ZFP62: variants seen among roughly 807,000 people sequenced by gnomAD.
ZFP62 encodes the protein zinc finger protein 62 homolog.
In ZFP62, 44 loss-of-function variants were observed where a neutral mutation model predicts 56.4. The ratio of observed to expected loss-of-function variants is 0.78; its 90% CI spans 0.61 to 1.00. ZFP62 has a LOEUF of 1.00. Ranked by LOEUF, ZFP62 falls within the 50% of genes least tolerant of loss-of-function variation. The pLI, the probability that ZFP62 is intolerant of heterozygous loss-of-function variation, is 0.00. For synonymous variants in ZFP62, 421 were observed against 388.9 expected (o/e 1.08, Z -0.97); for missense variants, 1,030 against 1,085.7 (o/e 0.95, Z 0.72).
Position 180,852,052 on chromosome 5 carries a change from G to T in ZFP62, c.2-559C>A, listed in dbSNP as rs966742991. On this transcript the variant is annotated intron_variant, in intron 1 of 1. Coordinates refer to ENST00000502412, the MANE Select transcript of ZFP62 (RefSeq NM_001172638.2). ...AGACAGTTACTGCAGAGATGAGGAA[G>T]AAGGCAACCTGCATATTAAAATATA... is the stretch of plus-strand genomic sequence containing the variant. The T allele has an allele frequency of 2.6e-5, 26 of 983,552 alleles. No homozygotes were observed. In the African/African-American group the frequency reaches 4.0e-4, roughly 15 times the overall value. 60.9% of individuals were successfully genotyped at this position (983,552 alleles called of 1,614,324 possible).
intron 1 of ZFP62, among the ~76,000 whole-genome samples, chr5:180,854,208 T>C (rs1170641011): frequency 4.6e-5 from 7 of 152,146 alleles, no homozygotes; most frequent in Admixed American, 4.6e-4. Flanking sequence ...ATGAGCATCA[T>C]GCTATACCAG....
At chr5:180,835,061 A>T in the ZFP62 span, 1 of 152,330 alleles carries the variant, frequency 6.6e-6, no homozygotes, top group East Asian at 1.9e-4. Flanking sequence ...AGCCTTCAGA[A>T]CTCTAAGAAA....
chr5:180,851,023 G>A lies in ZFP62; in HGVS notation c.472C>T (p.Gln158Ter). The change falls in exon 2 of 2, where the codon CAA becomes TAA. Residue 158 changes from glutamine (Q) to a stop codon, truncating the protein, a stop_gained. Coordinates refer to ENST00000502412, the MANE Select transcript of ZFP62 (RefSeq NM_001172638.2). LOFTEE classifies it high-confidence loss of function. ...TCCCCAGTGTGCATAATTTTATGTT[G>A]AACAAGGCGGGAATTATATTTGAAG... ...KSFKYNSRLV[Q>*]HKIMHTGEKR... 6.4e-7 allele frequency: 1 copy of A among 1,551,674 alleles called. No individual in the cohort carries two copies. Among genetic ancestry groups the A allele is most frequent in the Middle Eastern group, 1.7e-4 (1 of 5,992 alleles).
chr5:180,839,065 G>C, the ZFP62 span, among the ~76,000 whole-genome samples: 1 of 152,184 alleles, frequency 6.6e-6, no homozygotes, highest in Non-Finnish European at 1.5e-5. Flanking sequence ...GAGTGTACTA[G>C]GAAACCCTTA....
In ZFP62 at chr5:180,850,288, T is replaced by C; in HGVS notation, c.1207A>G (p.Ser403Gly). 6.4e-7 allele frequency: 1 copy of C among 1,560,506 alleles called. No individual in the cohort carries two copies. The highest frequency in any genetic ancestry group is 1.2e-5 in the South Asian group (1 of 84,632). ...TGGACTGCGAGGCCTGAGCTATAGC[T>C]GAATGCTTTGCCACAGACATCACAC... The part of the protein sequence containing the change: ...YKCDVCGKAF[S>G]YSSGLAVHKS... Residue 403 changes from serine (S) to glycine (G), a missense_variant, in exon 2 of 2, where the codon AGC becomes GGC. Ser to Gly is a moderately conservative substitution (Grantham distance 56). Transcript: ENST00000502412.
At chr5:180,836,018 A>G in the ZFP62 span, among the ~76,000 whole-genome samples, 1 of 152,228 alleles carries the variant, frequency 6.6e-6, no homozygotes, top group Non-Finnish European at 1.5e-5. Flanking sequence ...ATACACAAAT[A>G]CTTACCGTGT....
chr5:180,857,682 G>A lies in ZFP62; in HGVS notation c.1+3537C>T, dbSNP rs188094289. Among the ~76,000 whole-genome samples, 378 of 152,152 alleles carry A rather than the reference G, an allele frequency of 2.5e-3. 2 individuals carry two copies. The highest frequency in any genetic ancestry group is 8.5e-3 in the African/African-American group (352 of 41,528). ...TCAGCTAATTTTTATATTTTTAGTA[G>A]AGATGGGGTTTTGCCATGTTGGCAG... On this transcript the variant is annotated intron_variant, in intron 1 of 1. Coordinates refer to ENST00000502412, the MANE Select transcript of ZFP62 (RefSeq NM_001172638.2).
At position 180,849,676 on chromosome 5, in the gene ZFP62, GGTTT is replaced by G. The variant is rs935724891; in HGVS notation, c.1815_1818del (p.Asn606ThrfsTer111). 6.4e-7 allele frequency: 1 copy of G among 1,551,628 alleles called. No homozygotes were observed. The highest frequency in any genetic ancestry group is 1.4e-5 in the African/African-American group (1 of 72,974). ...TTCTCCCCAAGATGAACTTTTTTGT[GGTTT>G]GTAAGGGTTCGGTATGTGATGAAGG... On this transcript the variant is annotated frameshift_variant, in exon 2 of 2. Coordinates refer to ENST00000502412, the MANE Select transcript of ZFP62 (RefSeq NM_001172638.2). LOFTEE classifies it high-confidence loss of function.
chr5:180,849,906 T>A lies in ZFP62; in HGVS notation c.1589A>T (p.Glu530Val). 1.9e-6 allele frequency: 3 copies of A among 1,551,776 alleles called. No individual in the cohort carries two copies. Among genetic ancestry groups the A allele is most frequent in the Non-Finnish European group, 1.7e-6 (2 of 1,147,016 alleles). ...ACACTCATCACACCCAAAGGGTTTT[T>A]CCCTGGTATGAATCCTTTTATGCTG... is the stretch of plus-strand genomic sequence containing the variant. ...LEQHKRIHTR[E>V]KPFGCDECGK... The change falls in exon 2 of 2, where the codon GAA (glutamate) becomes GTA (valine). Residue 530 changes from glutamate to valine, a missense_variant. Transcript: ENST00000502412.
chr5:180,848,908 T>C lies in ZFP62; in HGVS notation c.2587A>G (p.Thr863Ala). The C allele has an allele frequency of 6.4e-7, 1 of 1,551,688 alleles. No homozygotes were observed. The highest frequency in any genetic ancestry group is 8.7e-7 in the Non-Finnish European group (1 of 1,146,980). ...ATCACATTTAAAGATTCCTCTCCAG[T>C]ATGGGTTCTTTTATGCTTGGTGAGA... The part of the protein sequence containing the change: ...SNLTKHKRTH[T>A]GEESLNVIYV... The change falls in exon 2 of 2, where the codon ACT (threonine) becomes GCT (alanine). Residue 863 changes from threonine (T) to alanine (A), a missense_variant. Transcript: ENST00000502412.
intron 1 of ZFP62, 46 bp from the exon 2 acceptor site, chr5:180,851,539 A>AG: frequency 6.8e-7 from 1 of 1,467,330 alleles, no homozygotes; most frequent in African/African-American, 1.4e-5. Flanking sequence ...CTCTTAAAAA[A>AG]AAACAAAAAC....
In ZFP62 at chr5:180,849,362, G is replaced by GA. The variant is rs35764255; in HGVS notation, c.2132dup (p.Ser712LeufsTer9). ...TATGGCTTATAAGAGTTCTGCTTGA[G>GA]AAAAAAGCTTTTCCACATTCATCAC... is the stretch of plus-strand genomic sequence containing the variant. On this transcript the variant is annotated frameshift_variant, in exon 2 of 2. Transcript: ENST00000502412. LOFTEE classifies it high-confidence loss of function. The GA allele has an allele frequency of 1.9e-6, 3 of 1,551,632 alleles. No homozygotes were observed. Among genetic ancestry groups the GA allele is most frequent in the East Asian group, 2.4e-5 (1 of 40,898 alleles).
At chr5:180,843,545 C>A (rs1773357032), downstream of ZFP62, among the ~76,000 whole-genome samples, 1 of 151,848 alleles carries the variant, frequency 6.6e-6, no homozygotes, top group Non-Finnish European at 1.5e-5. Context: ...GTTATTAATA[C>A]CAGAAAAAAA....
chr5:180,828,495 T>C, the ZFP62 span, among the ~76,000 whole-genome samples: 2 of 152,184 alleles, frequency 1.3e-5, no homozygotes, highest in Non-Finnish European at 2.9e-5. Flanking sequence ...AGAACATAAA[T>C]TGTGAAGATT....
chr5:180,834,917 A>G, the ZFP62 span: 1 of 151,304 alleles, frequency 6.6e-6, no homozygotes, highest in Non-Finnish European at 1.5e-5. Flanking sequence ...GTGGCATTAT[A>G]AAGAGAGACA....
chr5:180,837,847 A>C, the ZFP62 span, among the ~76,000 whole-genome samples: 5 of 152,150 alleles, frequency 3.3e-5, no homozygotes, highest in Admixed American at 1.3e-4. Context: ...CTTCTCTTGA[A>C]GGGATGTTCA....
rs1406678481 is a variant in ZFP62 at position 180,848,865 on chromosome 5, C to T, written c.2630G>A (p.Ser877Asn). The part of the protein sequence containing the change: ...SLNVIYVGSY[S>N]GTSQKRTYEG... ...ATAGGTTCTCTTCTGGGATGTGCCA[C>T]TATAACTTCCCACATATATCACATT... The change falls in exon 2 of 2, where the codon AGT becomes AAT. Residue 877 changes from serine (S) to asparagine (N), a missense_variant. Transcript: ENST00000502412. The T allele has an allele frequency of 1.3e-6, 2 of 1,551,610 alleles. No homozygotes were observed. The highest frequency in any genetic ancestry group is 4.9e-5 in the East Asian group (2 of 40,912).
Position 180,850,186 on chromosome 5 carries a change from G to T in ZFP62, c.1309C>A (p.Leu437Ile). The T allele has an allele frequency of 1.3e-6, 2 of 1,551,932 alleles. No homozygotes were observed. Among genetic ancestry groups the T allele is most frequent in the South Asian group, 2.4e-5 (2 of 84,078 alleles). ...CCGGTATGAATAGTTCTGTGTTGAA[G>T]AAGTAGTGAGTTATAACTAAAGGAT... is the stretch of plus-strand genomic sequence containing the variant. ...GKSFSYNSLL[L>I]QHRTIHTGER... The change falls in exon 2 of 2, where the codon CTT becomes ATT. Residue 437 changes from leucine (L) to isoleucine (I), a missense_variant. Physicochemically the swap from Leu to Ile is conservative, Grantham distance 5. Coordinates refer to ENST00000502412, the MANE Select transcript of ZFP62 (RefSeq NM_001172638.2).
the ZFP62 span, among the ~76,000 whole-genome samples, chr5:180,836,657 G>A: frequency 4.6e-5 from 7 of 152,210 alleles, no homozygotes; most frequent in Non-Finnish European, 1.0e-4. Flanking sequence ...CAGAGGTCAA[G>A]CCACAAAGCA....
Sources: gnomAD v4.1 joint callset for allele counts (sites outside exome capture counted in the v4.1 genomes callset) on GRCh38, gnomAD v4.1.1 for gene constraint, MANE v1.5 for transcripts, NCBI Gene and HGNC (gene_info 2026-07-23, HGNC 2026-07-21) for gene names.